PSMD14: variants seen among roughly 807,000 people sequenced by gnomAD.
PSMD14 encodes the protein proteasome 26S subunit, non-ATPase 14.
Under a neutral mutation model 41.2 loss-of-function variants are expected in PSMD14, and 7 were observed. That is an observed-to-expected ratio of 0.17 (90% CI 0.10 to 0.32). The LOEUF is 0.32. PSMD14 is among the 10% of genes least tolerant of loss of function. The probability of loss-of-function intolerance (pLI) is 1.00; values close to 1 mark genes in which losing one functional copy is unlikely to be tolerated. For missense variants in PSMD14, 139 were observed against 375.6 expected, an observed-to-expected ratio of 0.37 and a Z score of 5.21; for synonymous variants, 114 against 122.3, an observed-to-expected ratio of 0.93 and a Z score of 0.45.
chr2:161,390,342 C>T (rs1683695653), intron 8 of PSMD14, among the ~76,000 whole-genome samples: 1 of 152,084 alleles, frequency 6.6e-6, no homozygotes, highest in African/African-American at 2.4e-5. Context: ...TTTTTCTAGG[C>T]TGCCAGAGGA....
At chr2:161,358,811 T>C (rs1195445356) in intron 3 of PSMD14, among the ~76,000 whole-genome samples, 2 of 152,212 alleles carry the variant, frequency 1.3e-5, no homozygotes, top group East Asian at 3.9e-4. Flanking sequence ...TGTGGTGGCA[T>C]GTACCTGTAA....
At chr2:161,318,699 G>A in intron 2 of PSMD14, 123 bp from the exon 3 acceptor site, 1 of 709,178 alleles carries the variant, frequency 1.4e-6, no homozygotes, top group Non-Finnish European at 2.5e-6. Flanking sequence ...GAAGTCTGAT[G>A]TTGTGTTGTA....
intron 3 of PSMD14, among the ~76,000 whole-genome samples, chr2:161,363,032 C>G (rs940215444): frequency 2.6e-5 from 4 of 152,196 alleles, no homozygotes; most frequent in African/African-American, 9.7e-5. Flanking sequence ...AGAAACCAGG[C>G]CACACAGCAA....
intron 3 of PSMD14, among the ~76,000 whole-genome samples, chr2:161,331,452 G>A (rs1485197703): frequency 6.6e-6 from 1 of 152,024 alleles, no homozygotes; most frequent in Non-Finnish European, 1.5e-5. Flanking sequence ...TAGAGACGGG[G>A]TTTCACCATG....
At chr2:161,389,531 C>T (rs1683678840) in intron 8 of PSMD14, among the ~76,000 whole-genome samples, 1 of 152,258 alleles carries the variant, frequency 6.6e-6, no homozygotes, top group South Asian at 2.1e-4. Context: ...TTAATATACA[C>T]TCTTGGTACT....
Position 161,411,455 on chromosome 2 carries a change from T to C in PSMD14, c.*55T>C. On this transcript the variant is annotated 3_prime_UTR_variant, in exon 12 of 12. Transcript: ENST00000409682. ...TCAGTGTATATTCCTCTGTTGTTCC[T>C]AATGCTCAAAATCAAGGGACCTCTG... The C allele has an allele frequency of 7.7e-7, 1 of 1,304,934 alleles. No individual in the cohort carries two copies. The highest frequency in any genetic ancestry group is 2.3e-5 in the Admixed American group (1 of 42,754). 80.8% of individuals were successfully genotyped at this position (1,304,934 alleles called of 1,614,324 possible).
At chr2:161,352,595 G>A (rs1683135392) in intron 3 of PSMD14, among the ~76,000 whole-genome samples, 1 of 152,026 alleles carries the variant, frequency 6.6e-6, no homozygotes, top group African/African-American at 2.4e-5. Context: ...CATATACCCA[G>A]TGCATGTCAT....
chr2:161,387,007 G>C (rs1414238686), intron 8 of PSMD14, among the ~76,000 whole-genome samples: 1 of 151,854 alleles, frequency 6.6e-6, no homozygotes, highest in African/African-American at 2.4e-5. Context: ...TATAAAGCAG[G>C]TTCCAAACCT....
chr2:161,381,784 A>G (rs778998743), intron 7 of PSMD14: 1 of 151,962 alleles, frequency 6.6e-6, no homozygotes, highest in Non-Finnish European at 1.5e-5. Context: ...CTTGGAATAA[A>G]TACGGAACTC....
chr2:161,328,028 CG>C (rs1273192616), intron 3 of PSMD14, among the ~76,000 whole-genome samples: 1 of 143,158 alleles, frequency 7.0e-6, no homozygotes, highest in Non-Finnish European at 1.5e-5. Flanking sequence ...GATCTTTACC[CG>C]GCAAATAACA....
intron 11 of PSMD14, among the ~76,000 whole-genome samples, chr2:161,409,849 C>G (rs1684000434): frequency 6.6e-6 from 1 of 152,002 alleles, no homozygotes; most frequent in Non-Finnish European, 1.5e-5. Context: ...AAATGAAATA[C>G]AGTTCATTTT....
rs542717409 is a variant in PSMD14, at chr2:161,395,126, C to A, written c.694C>A (p.Gln232Lys). 5.0e-6 allele frequency: 8 copies of A among 1,597,372 alleles called. No individual in the cohort carries two copies. Among genetic ancestry groups the A allele is most frequent in the Non-Finnish European group, 6.8e-6 (8 of 1,171,568 alleles). Residue 232 changes from glutamine (Q) to lysine (K), a missense_variant, in exon 10 of 12, where the codon CAG (glutamine) becomes AAG (lysine). By Grantham distance (53) the Gln-to-Lys change is moderately conservative. This residue lies in a region of PSMD14 where 80 missense variants were observed against 138.1 expected (regional missense o/e 0.58). Coordinates refer to ENST00000409682, the MANE Select transcript of PSMD14 (RefSeq NM_005805.6). ...GAGTTGGATGGAAGGTTTGACACTT[C>A]AGGACTACAGTGAACATTGTAAACA... is the stretch of plus-strand genomic sequence containing the variant. The part of the protein sequence containing the change: ...KKSWMEGLTL[Q>K]DYSEHCKHNE...
intron 8 of PSMD14, among the ~76,000 whole-genome samples, chr2:161,387,941 C>T (rs1402303358): frequency 6.6e-6 from 1 of 151,864 alleles, no homozygotes; most frequent in Non-Finnish European, 1.5e-5. Context: ...TGCCTATCCT[C>T]TAGGCTTTTA....
At chr2:161,390,102 T>C (rs1683693088) in intron 8 of PSMD14, among the ~76,000 whole-genome samples, 1 of 151,646 alleles carries the variant, frequency 6.6e-6, no homozygotes, top group African/African-American at 2.4e-5. Flanking sequence ...GATTAGAAGA[T>C]GTAATGTGTA....
intron 3 of PSMD14, among the ~76,000 whole-genome samples, chr2:161,358,542 T>C (rs1048261281): frequency 4.6e-5 from 7 of 152,206 alleles, no homozygotes; most frequent in African/African-American, 1.7e-4. Context: ...ACTTTGTGTC[T>C]CTGCCCATTT....
chr2:161,391,248 T>C (rs1683707748), intron 9 of PSMD14, 70 bp downstream of exon 9: 25 of 1,402,808 alleles, frequency 1.8e-5, no homozygotes, highest in Non-Finnish European at 2.4e-5. Context: ...TTACCTGGTA[T>C]GTGATTTAAA....
chr2:161,409,663 C>T (rs1300657315), intron 11 of PSMD14: 1 of 151,978 alleles, frequency 6.6e-6, no homozygotes, highest in East Asian at 1.9e-4. Context: ...ACCCAGCTGC[C>T]ACAAGAAGTA....
chr2:161,408,837 G>A lies in PSMD14; in HGVS notation c.772G>A (p.Ala258Thr). ...MLELAKNYNKAVEEEDKMTPE... is the reference protein window; with the variant it reads ...MLELAKNYNKTVEEEDKMTPE... ...TCTGTCCTTTGTGTTTCATTCACAGGCTGTAGAAGAAGAAGATAAGATGAC... is the reference window on the plus strand; with the variant it reads ...TCTGTCCTTTGTGTTTCATTCACAGACTGTAGAAGAAGAAGATAAGATGAC... Residue 258 changes from alanine to threonine, a missense_variant and splice_region_variant, in exon 11 of 12, where the codon GCT (alanine) becomes ACT (threonine). Physicochemically the swap from Ala to Thr is moderately conservative, Grantham distance 58 (BLOSUM62 0). Coordinates refer to ENST00000409682, the MANE Select transcript of PSMD14 (RefSeq NM_005805.6). The A allele has an allele frequency of 6.2e-7, 1 of 1,600,484 alleles. No individual in the cohort carries two copies. Among genetic ancestry groups the A allele is most frequent in the Non-Finnish European group, 8.6e-7 (1 of 1,169,464 alleles).
intron 3 of PSMD14, among the ~76,000 whole-genome samples, chr2:161,319,203 A>G (rs1352734667): frequency 1.3e-5 from 2 of 152,090 alleles, no homozygotes; most frequent in Non-Finnish European, 2.9e-5. Context: ...TAAACTTTAG[A>G]TGTAACACAA....
Sources: gnomAD v4.1 joint callset for allele counts (sites outside exome capture counted in the v4.1 genomes callset) on GRCh38, gnomAD v4.1.1 for gene constraint, gnomAD v4.1.1 regional missense constraint, MANE v1.5 for transcripts, NCBI Gene and HGNC (gene_info 2026-07-23, HGNC 2026-07-21) for gene names.